Variants in CADPS2 observed in about 807,000 individuals in gnomAD.
CADPS2 encodes the protein calcium-dependent secretion activator 2.
CADPS2 carries 93 observed loss-of-function variants against 172.5 expected under a neutral mutation model. The ratio of observed to expected loss-of-function variants is 0.54; its 90% CI spans 0.46 to 0.64. The LOEUF is 0.64. Ranked by LOEUF, CADPS2 falls within the 30% of genes least tolerant of loss-of-function variation. CADPS2 has a pLI of 0.00. For synonymous variants in CADPS2, 546 were observed against 555.2 expected (o/e 0.98, Z 0.23); for missense variants, 1,420 against 1,565.9 (o/e 0.91, Z 1.57).
At chr7:122,698,883 G>T in intron 2 of CADPS2, 1 of 1,603,128 alleles carries the variant, frequency 6.2e-7, no homozygotes, top group Admixed American at 1.7e-5. Flanking sequence ...AAGAGGCAGT[G>T]TTGTTTCTCC....
At chr7:122,450,820 ACT>A (rs956336766) in intron 15 of CADPS2, among the ~76,000 whole-genome samples, 1 of 151,922 alleles carries the variant, frequency 6.6e-6, no homozygotes, top group South Asian at 2.1e-4. Context: ...CAGGCATGAG[ACT>A]CTGTGACTGG....
chr7:122,380,730 T>C (rs1274412869), intron 24 of CADPS2, among the ~76,000 whole-genome samples: 1 of 152,090 alleles, frequency 6.6e-6, no homozygotes, highest in African/African-American at 2.4e-5. Context: ...GATCTAAAAT[T>C]AACCACACTG....
At chr7:122,692,379 T>C (rs969723679) in intron 2 of CADPS2, among the ~76,000 whole-genome samples, 1 of 152,216 alleles carries the variant, frequency 6.6e-6, no homozygotes, top group African/African-American at 2.4e-5. Context: ...CTCCCTGCGC[T>C]GCATCCTGCA....
chr7:122,805,865 A>C (rs1798688564), intron 1 of CADPS2, among the ~76,000 whole-genome samples: 2 of 152,308 alleles, frequency 1.3e-5, no homozygotes, highest in Middle Eastern at 3.4e-3. Context: ...TGAATGCTTA[A>C]ATTTGGATAG....
chr7:122,681,585 G>A lies in CADPS2; in HGVS notation c.454-18016C>T, dbSNP rs927358638. ...AGTAGTCAGGAATCGATCTCGTGAA[G>A]CCCGCAAGGACCGAACACCCCCACC... On this transcript the variant is annotated intron_variant, in intron 2 of 29. Coordinates refer to ENST00000449022, the MANE Select transcript of CADPS2 (RefSeq NM_017954.11). 7 of 1,492,468 alleles carry A rather than the reference G, an allele frequency of 4.7e-6. No individual in the cohort carries two copies. The Admixed American group carries it at 1.0e-4, about 21-fold the overall frequency. 92.5% of individuals were successfully genotyped at this position (1,492,468 alleles called of 1,614,324 possible).
At chr7:122,659,873 A>C (rs1300352147) in intron 3 of CADPS2, among the ~76,000 whole-genome samples, 1 of 152,074 alleles carries the variant, frequency 6.6e-6, no homozygotes, top group African/African-American at 2.4e-5. Flanking sequence ...CTGAAAGAGA[A>C]AAAAAAATCT....
chr7:122,705,917 A>AATATATAATATAAT (rs1365561424), intron 2 of CADPS2, among the ~76,000 whole-genome samples: 8 of 1,374 alleles, frequency 5.8e-3, no homozygotes, highest in African/African-American at 8.3e-3. Flanking sequence ...TATATTATAT[A>AATATATAATATAAT]ATATAATATA....
At chr7:122,422,031 A>C (rs2048584378) in intron 17 of CADPS2, 1 of 152,234 alleles carries the variant, frequency 6.6e-6, no homozygotes, top group Admixed American at 6.5e-5. Flanking sequence ...TGGATAATGA[A>C]AAAGTCCTGA....
intron 1 of CADPS2, among the ~76,000 whole-genome samples, chr7:122,851,895 C>G (rs1202998553): frequency 1.3e-5 from 2 of 152,166 alleles, no homozygotes; most frequent in African/African-American, 4.8e-5. Context: ...CAAGCCATAT[C>G]AGAGCCCTTA....
intron 23 of CADPS2, 40 bp from the exon 24 acceptor site, chr7:122,387,213 T>A: frequency 6.5e-7 from 1 of 1,544,544 alleles, no homozygotes; most frequent in Non-Finnish European, 8.8e-7. Context: ...GAAATTCTGC[T>A]ATACAGCTCA....
At chr7:122,434,357 A>C (rs923316496) in intron 17 of CADPS2, among the ~76,000 whole-genome samples, 3 of 152,168 alleles carry the variant, frequency 2.0e-5, no homozygotes, top group Admixed American at 2.0e-4. Context: ...AAAAGAAAGA[A>C]ATAGAGCCCT....
intron 6 of CADPS2, among the ~76,000 whole-genome samples, chr7:122,599,089 G>T (rs1368040714): frequency 6.6e-6 from 1 of 152,066 alleles, no homozygotes; most frequent in Non-Finnish European, 1.5e-5. Context: ...CCATGTGCAA[G>T]GACAGTGTTC....
chr7:122,533,003 G>T (rs1231661874), intron 8 of CADPS2, among the ~76,000 whole-genome samples: 1 of 151,902 alleles, frequency 6.6e-6, no homozygotes, highest in Non-Finnish European at 1.5e-5. Context: ...CAGTAACAGG[G>T]TTAATACATA....
At chr7:122,728,774 G>A (rs2091354613) in intron 2 of CADPS2, among the ~76,000 whole-genome samples, 1 of 151,022 alleles carries the variant, frequency 6.6e-6, no homozygotes, top group African/African-American at 2.4e-5. Flanking sequence ...CACATTCATG[G>A]GGGCACTTGT....
chr7:122,430,936 A>G (rs754337790), intron 17 of CADPS2, among the ~76,000 whole-genome samples: 1 of 152,246 alleles, frequency 6.6e-6, no homozygotes, highest in Non-Finnish European at 1.5e-5. Context: ...ATTAAGCAGC[A>G]CACTGAATTA....
chr7:122,846,540 G>A (rs1265277581), intron 1 of CADPS2, among the ~76,000 whole-genome samples: 2 of 152,098 alleles, frequency 1.3e-5, no homozygotes, highest in Non-Finnish European at 2.9e-5. Context: ...TTCAGATTCA[G>A]CATTAAAATT....
intron 8 of CADPS2, among the ~76,000 whole-genome samples, chr7:122,543,201 C>T (rs1283989207): frequency 6.6e-6 from 1 of 152,016 alleles, no homozygotes; most frequent in East Asian, 1.9e-4. Context: ...ATGGAAGAAG[C>T]AATTAATATC....
At chr7:122,515,946 AC>A (rs1433408114) in intron 8 of CADPS2, among the ~76,000 whole-genome samples, 22 of 151,996 alleles carry the variant, frequency 1.4e-4, no homozygotes, top group African/African-American at 4.6e-4. Flanking sequence ...TGGAAAAAAA[AC>A]ATGCAAAAAA....
chr7:122,354,579 T>TG (rs1295159539), intron 27 of CADPS2, among the ~76,000 whole-genome samples: 4 of 152,166 alleles, frequency 2.6e-5, no homozygotes, highest in Non-Finnish European at 5.9e-5. Flanking sequence ...ACTTTTTTTT[T>TG]GGGGGGGAGG....
Sources: gnomAD v4.1 joint callset for allele counts (sites outside exome capture counted in the v4.1 genomes callset) on GRCh38, gnomAD v4.1.1 for gene constraint, MANE v1.5 for transcripts, NCBI Gene and HGNC (gene_info 2026-07-23, HGNC 2026-07-21) for gene names.